The following NRG2 variants were observed in gnomAD, a reference collection of about 807,000 sequenced individuals.
NRG2 encodes neuregulin 2.
In NRG2, 27 loss-of-function variants were observed where a neutral mutation model predicts 73.9. That is an observed-to-expected ratio of 0.37 (90% CI 0.27 to 0.50). The LOEUF (loss-of-function observed/expected upper bound fraction) is 0.50, where lower values mean the gene tolerates loss of function less well. NRG2 is among the 20% of genes least tolerant of loss of function. The pLI is 0.96. For missense variants in NRG2, 1,126 were observed against 1,210.1 expected (o/e 0.93, Z 1.03); for synonymous variants, 532 against 541.0 (o/e 0.98, Z 0.23).
intron 1 of NRG2, among the ~76,000 whole-genome samples, chr5:140,013,485 T>A (rs1759529573): frequency 6.6e-6 from 1 of 152,220 alleles, no homozygotes; most frequent in Non-Finnish European, 1.5e-5. Context: ...ATGCACTTAA[T>A]GCCACTGAAC....
Position 140,042,619 on chromosome 5 carries a change from C to T in NRG2, c.451G>A (p.Glu151Lys). The T allele has an allele frequency of 6.2e-7, 1 of 1,608,160 alleles. No homozygotes were observed. The highest frequency in any genetic ancestry group is 8.5e-7 in the Non-Finnish European group (1 of 1,178,206). ...AGGSSSNSTREPPASGRVALV... is the reference protein window; with the variant it reads ...AGGSSSNSTRKPPASGRVALV... ...GCCACCCGACCCGAGGCGGGCGGCT[C>T]TCGGGTGCTGTTGGAGCTGGAGCCG... Residue 151 changes from glutamate to lysine, a missense_variant, in exon 1 of 10, where the codon GAG becomes AAG. Coordinates refer to ENST00000361474, the MANE Select transcript of NRG2 (RefSeq NM_004883.3).
intron 1 of NRG2, among the ~76,000 whole-genome samples, chr5:139,995,593 CCAACTTGT>C (rs1757963115): frequency 6.6e-6 from 1 of 152,240 alleles, no homozygotes; most frequent in African/African-American, 2.4e-5. Context: ...CTCAAGCAAG[CCAACTTGT>C]CTTCAGAAAC....
chr5:140,007,360 C>T (rs1758991065), intron 1 of NRG2, among the ~76,000 whole-genome samples: 2 of 151,954 alleles, frequency 1.3e-5, no homozygotes, highest in African/African-American at 2.4e-5. Flanking sequence ...GCATTGAGGA[C>T]TTTATTACTT....
intron 1 of NRG2, among the ~76,000 whole-genome samples, chr5:139,923,330 C>G (rs1751818466): frequency 6.6e-6 from 1 of 152,152 alleles, no homozygotes; most frequent in African/African-American, 2.4e-5. Flanking sequence ...GCCACATGCT[C>G]TTACCCTTAT....
At chr5:139,879,269 C>T (rs1401030525) in intron 3 of NRG2, among the ~76,000 whole-genome samples, 2 of 152,084 alleles carry the variant, frequency 1.3e-5, no homozygotes, top group African/African-American at 2.4e-5. Flanking sequence ...AGAGAAAGTT[C>T]AGCAATAGCA....
intron 1 of NRG2, among the ~76,000 whole-genome samples, chr5:139,958,833 A>C (rs1242561579): frequency 6.8e-6 from 1 of 146,762 alleles, no homozygotes; most frequent in Non-Finnish European, 1.5e-5. Context: ...TAGACATCCA[A>C]GAACCAGGAG....
At chr5:139,987,976 G>A (rs993094072) in intron 1 of NRG2, among the ~76,000 whole-genome samples, 6 of 152,068 alleles carry the variant, frequency 3.9e-5, no homozygotes, top group South Asian at 4.1e-4. Flanking sequence ...GGGTTTCACC[G>A]TGTTAGACAG....
intron 1 of NRG2, among the ~76,000 whole-genome samples, chr5:139,901,431 C>T (rs964643141): frequency 1.3e-5 from 2 of 152,186 alleles, no homozygotes; most frequent in Non-Finnish European, 1.5e-5. Context: ...GGGGCCAAGA[C>T]CAGAGGTGGA....
chr5:139,904,400 T>G lies in NRG2; in HGVS notation c.701-16889A>C, dbSNP rs565263920. 2 of 1,521,772 alleles carry G rather than the reference T, an allele frequency of 1.3e-6. No individual in the cohort carries two copies. Among genetic ancestry groups the G allele is most frequent in the East Asian group, 4.7e-5 (2 of 42,834 alleles). The allele number at this position is 1,521,772 out of a possible 1,614,324, so 94.3% of individuals were successfully genotyped here. A position where few individuals can be genotyped will look rare whatever the true frequency, so the allele number is the denominator to read the frequency against. ...CCCCTCCTCCTGGACTCCGACATTCTGCACGGGGTCCCAGGCGGTGGGACG... is the reference window on the plus strand; with the variant it reads ...CCCCTCCTCCTGGACTCCGACATTCGGCACGGGGTCCCAGGCGGTGGGACG... On this transcript the variant is annotated intron_variant, in intron 1 of 9. Coordinates refer to ENST00000361474, the MANE Select transcript of NRG2 (RefSeq NM_004883.3). The surrounding 1 kb of genome is among the most constrained non-coding windows in gnomAD (Gnocchi z 6.0).
chr5:140,011,721 C>A (rs150728774), intron 1 of NRG2, among the ~76,000 whole-genome samples: 2 of 152,260 alleles, frequency 1.3e-5, no homozygotes, highest in African/African-American at 2.4e-5. Flanking sequence ...CTGGCTGACA[C>A]CTTATTTGTA....
intron 1 of NRG2, among the ~76,000 whole-genome samples, chr5:139,974,909 G>A (rs983348396): frequency 1.3e-5 from 2 of 152,240 alleles, no homozygotes; most frequent in African/African-American, 4.8e-5. Flanking sequence ...CAGAATGGCT[G>A]CTTAGATGCA....
intron 1 of NRG2, among the ~76,000 whole-genome samples, chr5:139,948,020 T>C (rs1753922565): frequency 2.0e-5 from 3 of 152,182 alleles, no homozygotes; most frequent in Admixed American, 1.3e-4. Context: ...CTCCAGAGCT[T>C]TTTTCATCTT....
intron 1 of NRG2, among the ~76,000 whole-genome samples, chr5:140,025,483 T>C (rs1279044600): frequency 6.6e-6 from 1 of 152,180 alleles, no homozygotes; most frequent in Non-Finnish European, 1.5e-5. Context: ...ACGCACCAAG[T>C]ACCATGAAGT....
At chr5:139,903,902 G>T (rs890736443) in intron 1 of NRG2, among the ~76,000 whole-genome samples, 10 of 152,244 alleles carry the variant, frequency 6.6e-5, no homozygotes, top group African/African-American at 2.4e-4. Context: ...TCTCTCCGAG[G>T]AAGGGAAGGC....
intron 1 of NRG2, among the ~76,000 whole-genome samples, chr5:139,973,898 A>G (rs1306286291): frequency 6.6e-6 from 1 of 152,152 alleles, no homozygotes; most frequent in Non-Finnish European, 1.5e-5. Context: ...CCCATTTTTA[A>G]AAGAGTTTTT....
At chr5:139,936,331 G>C (rs928167253) in intron 1 of NRG2, among the ~76,000 whole-genome samples, 3 of 152,080 alleles carry the variant, frequency 2.0e-5, no homozygotes, top group Admixed American at 6.6e-5. Flanking sequence ...TGAGAAAAGA[G>C]TCATCACTAC....
chr5:139,900,973 G>C lies in NRG2; in HGVS notation c.701-13462C>G, dbSNP rs73791229. 9.1e-3 allele frequency among the ~76,000 whole-genome samples: 1,388 copies of C among 152,354 alleles called. 16 individuals carry two copies. Among genetic ancestry groups the C allele is most frequent in the African/African-American group, 0.032 (1,326 of 41,570 alleles). On this transcript the variant is annotated intron_variant, in intron 1 of 9. Transcript: ENST00000361474. Reference sequence around the variant, plus strand: ...ACTCAATGAGCCCACACAGGCCAGAGGGCCTAGGTCTCCACCTAGGAGAAG... The same window carrying C: ...ACTCAATGAGCCCACACAGGCCAGACGGCCTAGGTCTCCACCTAGGAGAAG...
At chr5:139,917,407 G>A (rs1465013354) in intron 1 of NRG2, among the ~76,000 whole-genome samples, 1 of 152,008 alleles carries the variant, frequency 6.6e-6, no homozygotes, top group East Asian at 1.9e-4. Context: ...ATGCACCGCT[G>A]TGCCTGGCTA....
chr5:140,016,067 T>C (rs1043788720), intron 1 of NRG2, among the ~76,000 whole-genome samples: 4 of 152,254 alleles, frequency 2.6e-5, no homozygotes, highest in Non-Finnish European at 1.5e-5. Context: ...GCCGAAGTTA[T>C]GGGATAGGCT....
Sources: allele counts gnomAD v4.1 joint callset (sites outside exome capture counted in the v4.1 genomes callset), GRCh38; gene constraint gnomAD v4.1.1; non-coding constraint Gnocchi (gnomAD v3.1); transcripts MANE v1.5; gene names NCBI Gene and HGNC (gene_info 2026-07-23, HGNC 2026-07-21).